The following PPP1R2 variants were observed in gnomAD, a reference collection of about 807,000 sequenced individuals.
PPP1R2 encodes protein phosphatase 1 regulatory inhibitor subunit 2.
A neutral mutation model predicts 29.9 loss-of-function variants in PPP1R2; 16 were observed. The observed-to-expected ratio is 0.53, with a 90% CI of 0.36 to 0.81. The LOEUF is 0.81. PPP1R2 is among the 30% of genes least tolerant of loss of function. The pLI is 0.00. For synonymous variants in PPP1R2, 76 were observed against 91.5 expected (o/e 0.83, Z 0.96); for missense variants, 197 against 252.7 (o/e 0.78, Z 1.49).
chr3:195,523,752 G>C lies in PPP1R2; in HGVS notation c.343C>G (p.Arg115Gly). ...CCACTGCTTTCTTGTTCCTGAATCCGATACTTTGGCTCCAAGCCTTCAGCT... is the reference window on the plus strand; with the variant it reads ...CCACTGCTTTCTTGTTCCTGAATCCCATACTTTGGCTCCAAGCCTTCAGCT... ...AAAEGLEPKY[R>G]IQEQESSGEE... The change falls in exon 4 of 6, where the codon CGG becomes GGG. Residue 115 changes from arginine (R) to glycine (G), a missense_variant. Arg to Gly is a moderately radical substitution (Grantham distance 125). Around this residue, in one of 3 missense-constraint regions of PPP1R2, gnomAD observed 135 missense variants for 163.0 expected, o/e 0.83. Transcript: ENST00000618156. 1 of 1,614,112 alleles carries C rather than the reference G, an allele frequency of 6.2e-7. No homozygotes were observed. The highest frequency in any genetic ancestry group is 1.7e-5 in the Admixed American group (1 of 60,018).
Position 195,542,973 on chromosome 3 carries a change from T to C in PPP1R2, c.53A>G (p.Lys18Arg), listed in dbSNP as rs113291285. 2 of 1,603,062 alleles carry C rather than the reference T, an allele frequency of 1.2e-6. No homozygotes were observed. Among genetic ancestry groups the C allele is most frequent in the Non-Finnish European group, 1.7e-6 (2 of 1,174,804 alleles). The change falls in exon 1 of 6, where the codon AAG becomes AGG. Residue 18 changes from lysine (K) to arginine (R), a missense_variant. By Grantham distance (26) the Lys-to-Arg change is conservative (BLOSUM62 2). This residue lies in a region of PPP1R2 where 54 missense variants were observed against 60.6 expected (regional missense o/e 0.89). Coordinates refer to ENST00000618156, the MANE Select transcript of PPP1R2 (RefSeq NM_006241.8). ...CACCATAGAGGAAGTCGTAGAGGTC[T>C]TGTTCTTCAAGATCCCCTTGATGGG... ...HRPIKGILKN[K>R]TSTTSSMVAS... is the part of the protein sequence containing the mutation.
Position 195,516,744 on chromosome 3 carries a change from A to T in PPP1R2, c.*152T>A, listed in dbSNP as rs1000590414. ...TCGATTAGGCATTTTCAGTCTAATC[A>T]GTCTCTAAGTTTATCATTTAATTCT... is the stretch of plus-strand genomic sequence containing the variant. On this transcript the variant is annotated 3_prime_UTR_variant, in exon 6 of 6. Coordinates refer to ENST00000618156, the MANE Select transcript of PPP1R2 (RefSeq NM_006241.8). 1.6e-6 allele frequency: 1 copy of T among 636,500 alleles called. No individual in the cohort carries two copies. The highest frequency in any genetic ancestry group is 1.8e-5 in the African/African-American group (1 of 54,690). The allele number at this position is 636,500 out of a possible 1,614,324, so 39.4% of individuals were successfully genotyped here.
chr3:195,541,588 C>T (rs772743173), intron 1 of PPP1R2, among the ~76,000 whole-genome samples: 1 of 151,670 alleles, frequency 6.6e-6, no homozygotes, highest in Non-Finnish European at 1.5e-5. Context: ...TGAGCCACCA[C>T]GCCTGGATGT....
At chr3:195,527,269 G>A (rs956183165) in intron 2 of PPP1R2, among the ~76,000 whole-genome samples, 1 of 151,434 alleles carries the variant, frequency 6.6e-6, no homozygotes, top group Admixed American at 6.6e-5. Context: ...GGCCAACACG[G>A]TGAAACCCTG....
intron 4 of PPP1R2, among the ~76,000 whole-genome samples, chr3:195,522,757 A>G (rs933024102): frequency 5.9e-5 from 9 of 152,228 alleles, no homozygotes; most frequent in African/African-American, 2.2e-4. Flanking sequence ...AGATGATAGG[A>G]AAGACTAGTA....
chr3:195,533,109 G>A (rs1719248331), intron 1 of PPP1R2, among the ~76,000 whole-genome samples: 1 of 152,094 alleles, frequency 6.6e-6, no homozygotes, highest in Non-Finnish European at 1.5e-5. Context: ...CACTTTGGGA[G>A]GCTGAGGCAG....
At chr3:195,527,219 G>A (rs1458726716) in intron 2 of PPP1R2, among the ~76,000 whole-genome samples, 1 of 151,990 alleles carries the variant, frequency 6.6e-6, no homozygotes, top group Admixed American at 6.6e-5. Flanking sequence ...GGAGGCTGAG[G>A]TGGGTGGATC....
At chr3:195,527,158 G>A in intron 2 of PPP1R2, among the ~76,000 whole-genome samples, 1 of 151,998 alleles carries the variant, frequency 6.6e-6, no homozygotes, top group Non-Finnish European at 1.5e-5. Flanking sequence ...TCCTGGGCAA[G>A]AGTTCTTTGG....
intron 1 of PPP1R2, among the ~76,000 whole-genome samples, chr3:195,539,186 T>C (rs963434879): frequency 4.6e-5 from 7 of 152,228 alleles, no homozygotes; most frequent in African/African-American, 4.8e-5. Context: ...ATGTACTCAC[T>C]AGGCCTGCTA....
At chr3:195,535,085 C>T (rs1423063106) in intron 1 of PPP1R2, among the ~76,000 whole-genome samples, 7 of 152,132 alleles carry the variant, frequency 4.6e-5, no homozygotes, top group African/African-American at 9.7e-5. Flanking sequence ...TGAGCGGTTT[C>T]GGGAAAGACA....
rs372776153 is a variant in PPP1R2, at chr3:195,519,556, C to T, written c.404-371G>A. 58 of 158,294 alleles carry T rather than the reference C, an allele frequency of 3.7e-4. No individual in the cohort carries two copies. The South Asian group carries it at 7.9e-3, about 22-fold the overall frequency. The allele number at this position is 158,294 out of a possible 1,614,324, so 9.8% of individuals were successfully genotyped here. Reference sequence around the variant, plus strand: ...ATGTACAATGCCTGTCACATACACACACAGAGAGAAAAATAAGACTCAGCA... The same window carrying T: ...ATGTACAATGCCTGTCACATACACATACAGAGAGAAAAATAAGACTCAGCA... On this transcript the variant is annotated intron_variant, in intron 4 of 5. Transcript: ENST00000618156.
intron 1 of PPP1R2, among the ~76,000 whole-genome samples, chr3:195,533,499 A>G (rs1457091441): frequency 6.6e-6 from 1 of 152,204 alleles, no homozygotes; most frequent in African/African-American, 2.4e-5. Flanking sequence ...CTTGAGTAAC[A>G]CCATGGGAGT....
At chr3:195,542,090 C>G (rs765335821) in intron 1 of PPP1R2, among the ~76,000 whole-genome samples, 1 of 152,188 alleles carries the variant, frequency 6.6e-6, no homozygotes, top group East Asian at 1.9e-4. Context: ...AGCCCCCGTG[C>G]ACTTCTAACC....
intron 5 of PPP1R2, among the ~76,000 whole-genome samples, chr3:195,518,281 A>G (rs1718622399): frequency 6.6e-6 from 1 of 152,228 alleles, no homozygotes; most frequent in East Asian, 1.9e-4. Context: ...TCAATCCAAC[A>G]GTCAAAAGAA....
rs190299020 is a variant in PPP1R2, at chr3:195,520,689, T to A, written c.404-1504A>T. On this transcript the variant is annotated intron_variant, in intron 4 of 5. Transcript: ENST00000618156. Reference sequence around the variant, plus strand: ...ATTTACAGTACTTTCTTCTTTTTTTTAAATTTTAATTTTTAGAGATGAGAT... The same window carrying A: ...ATTTACAGTACTTTCTTCTTTTTTTAAAATTTTAATTTTTAGAGATGAGAT... 3.6e-3 allele frequency among the ~76,000 whole-genome samples: 542 copies of A among 152,280 alleles called. 5 individuals carry two copies. The highest frequency in any genetic ancestry group is 0.011 in the African/African-American group (439 of 41,538).
At chr3:195,527,972 A>G in intron 2 of PPP1R2, 1 of 322,336 alleles carries the variant, frequency 3.1e-6, no homozygotes. Context: ...AACTAATTGT[A>G]ATTTTATTGT....
intron 5 of PPP1R2, 50 bp from the exon 6 acceptor site, chr3:195,516,992 C>T (rs1718571685): frequency 6.6e-7 from 1 of 1,510,580 alleles, no homozygotes; most frequent in African/African-American, 1.4e-5. Context: ...TGTTGTCAAC[C>T]CTGGCTAAAG....
At chr3:195,539,072 T>C (rs1036275989) in intron 1 of PPP1R2, among the ~76,000 whole-genome samples, 1 of 152,226 alleles carries the variant, frequency 6.6e-6, no homozygotes, top group African/African-American at 2.4e-5. Context: ...AAAAAGAACA[T>C]GTCTTAAAAG....
Position 195,515,803 on chromosome 3 carries a change from T to A in PPP1R2, c.*1093A>T, listed in dbSNP as rs367622625. 18 of 152,098 alleles carry A rather than the reference T, an allele frequency of 1.2e-4. No individual in the cohort carries two copies. The East Asian group carries it at 1.3e-3, about 11-fold the overall frequency. The allele number at this position is 152,098 out of a possible 1,614,324, so 9.4% of individuals were successfully genotyped here. A position where few individuals can be genotyped will look rare whatever the true frequency, so the allele number is the denominator to read the frequency against. On this transcript the variant is annotated 3_prime_UTR_variant, in exon 6 of 6. Transcript: ENST00000618156. ...TAGTTGTTTTCTTAAGTCTAATTAA[T>A]CCAAACTAATAATAGCCATTTAATT...
Sources: gnomAD v4.1 joint callset for allele counts (sites outside exome capture counted in the v4.1 genomes callset) on GRCh38, gnomAD v4.1.1 for gene constraint, gnomAD v4.1.1 regional missense constraint, MANE v1.5 for transcripts, NCBI Gene and HGNC (gene_info 2026-07-23, HGNC 2026-07-21) for gene names.